NCALD: variants seen among roughly 807,000 people sequenced by gnomAD.
NCALD encodes neurocalcin delta.
NCALD carries 10 observed loss-of-function variants against 18.6 expected under a neutral mutation model. The observed-to-expected ratio is 0.54, with a 90% confidence interval of 0.33 to 0.91. The LOEUF (loss-of-function observed/expected upper bound fraction) is 0.91. Among genes scored for constraint, NCALD ranks in the 40% least tolerant of loss-of-function variants. The probability of loss-of-function intolerance (pLI) is 0.03; values close to 1 mark genes in which losing one functional copy is unlikely to be tolerated. For synonymous variants in NCALD, 88 were observed against 87.4 expected (o/e 1.01, Z -0.04); for missense variants, 184 against 247.6 (o/e 0.74, Z 1.72).
At chr8:101,911,586 G>T (rs1291839778) in intron 3 of NCALD, among the ~76,000 whole-genome samples, 1 of 152,076 alleles carries the variant, frequency 6.6e-6, no homozygotes, top group African/African-American at 2.4e-5. Flanking sequence ...TCGAACTCCT[G>T]ACCACAAGTG....
At chr8:101,862,272 TATGTA>T (rs1421654939) in intron 4 of NCALD, among the ~76,000 whole-genome samples, 1 of 152,142 alleles carries the variant, frequency 6.6e-6, no homozygotes, top group African/African-American at 2.4e-5. Context: ...ACACAGTTCC[TATGTA>T]AAGTAAATCT....
At chr8:101,956,088 A>G (rs993639) in intron 2 of NCALD, among the ~76,000 whole-genome samples, 96,460 of 151,986 alleles carry the variant, frequency 0.63, 31,945 homozygotes, top group African/African-American at 0.84. Context: ...TATTCTTGAC[A>G]TTTTTCTATA....
chr8:101,824,057 A>G (rs772450405), intron 4 of NCALD, among the ~76,000 whole-genome samples: 1 of 152,228 alleles, frequency 6.6e-6, no homozygotes, highest in Non-Finnish European at 1.5e-5. Context: ...TGAAACTTCT[A>G]TATCCAGTCA....
At chr8:101,990,778 C>A (rs1472879676) in intron 2 of NCALD, among the ~76,000 whole-genome samples, 1 of 152,130 alleles carries the variant, frequency 6.6e-6, no homozygotes, top group East Asian at 1.9e-4. Context: ...TAAAAATGGA[C>A]TAATACAACC....
At chr8:101,890,565 G>C (rs1255811849) in intron 3 of NCALD, among the ~76,000 whole-genome samples, 3 of 152,144 alleles carry the variant, frequency 2.0e-5, no homozygotes, top group African/African-American at 7.2e-5. Flanking sequence ...ACTTATAAAA[G>C]GGCTCCAGGT....
chr8:101,692,467 G>A, intron 3 of NCALD: 1 of 985,436 alleles, frequency 1.0e-6, no homozygotes, highest in Non-Finnish European at 1.2e-6. Context: ...GCCTGCTATA[G>A]CCTAGGCCTG....
intron 2 of NCALD, among the ~76,000 whole-genome samples, chr8:101,696,562 T>C (rs1363077656): frequency 6.6e-6 from 1 of 152,298 alleles, no homozygotes; most frequent in East Asian, 1.9e-4. Context: ...GGGCGTTCAG[T>C]ACACAATGTG....
At position 101,688,533 on chromosome 8, in the gene NCALD, AAACAC is replaced by A; in HGVS notation, c.*771_*775del. On this transcript the variant is annotated 3_prime_UTR_variant, in exon 4 of 4. Transcript: ENST00000220931. ...ACATGCATTTCATTTAAACAAGGCA[AAACAC>A]TTAATTTGGTCTGCATTACCCAATA... The A allele has an allele frequency of 2.7e-6, 1 of 373,512 alleles. No individual in the cohort carries two copies. Among genetic ancestry groups the A allele is most frequent in the East Asian group, 7.3e-5 (1 of 13,784 alleles). 23.1% of individuals were successfully genotyped at this position (373,512 alleles called of 1,614,324 possible). A position where few individuals can be genotyped will look rare whatever the true frequency, so the allele number is the denominator to read the frequency against.
chr8:101,709,641 A>G (rs904363548), intron 2 of NCALD, among the ~76,000 whole-genome samples: 2 of 152,188 alleles, frequency 1.3e-5, no homozygotes, highest in African/African-American at 2.4e-5. Flanking sequence ...GCCAGAACAC[A>G]TCTAAGCATT....
chr8:101,772,348 C>T (rs1238142372), intron 1 of NCALD, among the ~76,000 whole-genome samples: 3 of 152,120 alleles, frequency 2.0e-5, no homozygotes, highest in South Asian at 2.1e-4. Context: ...TGGGAAATGC[C>T]GACAGGCCCA....
chr8:101,803,974 G>A (rs1372954592), intron 4 of NCALD, among the ~76,000 whole-genome samples: 2 of 152,054 alleles, frequency 1.3e-5, no homozygotes, highest in African/African-American at 4.8e-5. Flanking sequence ...AACCGATGTG[G>A]TAAACTTCAC....
chr8:101,815,920 A>T (rs1039173508), intron 4 of NCALD, among the ~76,000 whole-genome samples: 2 of 152,178 alleles, frequency 1.3e-5, no homozygotes, highest in African/African-American at 4.8e-5. Context: ...TAAGTGGATA[A>T]ACTGTGGTAC....
intron 1 of NCALD, among the ~76,000 whole-genome samples, chr8:102,078,971 G>A (rs1169903343): frequency 6.6e-6 from 1 of 152,206 alleles, no homozygotes; most frequent in South Asian, 2.1e-4. Flanking sequence ...TCTACAGGCA[G>A]TCAGTGGTGA....
intron 1 of NCALD, among the ~76,000 whole-genome samples, chr8:101,725,841 ATAAG>A (rs1222732074): frequency 1.3e-5 from 2 of 152,208 alleles, no homozygotes; most frequent in Non-Finnish European, 2.9e-5. Flanking sequence ...AATACATAAA[ATAAG>A]TAAGTGAAAT....
chr8:102,015,453 CT>C (rs1822051197), intron 2 of NCALD, among the ~76,000 whole-genome samples: 1 of 151,998 alleles, frequency 6.6e-6, no homozygotes, highest in Admixed American at 6.5e-5. Flanking sequence ...GTTTTATTGC[CT>C]TCTTTTGATT....
At chr8:101,996,232 C>T (rs1174375838) in intron 2 of NCALD, among the ~76,000 whole-genome samples, 1 of 152,228 alleles carries the variant, frequency 6.6e-6, no homozygotes, top group East Asian at 1.9e-4. Context: ...TTAGGAGCCA[C>T]ATCTAACAGC....
At chr8:101,840,218 G>A (rs1814587044) in intron 4 of NCALD, among the ~76,000 whole-genome samples, 1 of 152,094 alleles carries the variant, frequency 6.6e-6, no homozygotes, top group African/African-American at 2.4e-5. Context: ...AAAGATGATG[G>A]TTCTTACTTC....
chr8:101,849,915 A>T (rs1815023279), intron 4 of NCALD, among the ~76,000 whole-genome samples: 1 of 152,232 alleles, frequency 6.6e-6, no homozygotes, highest in Non-Finnish European at 1.5e-5. Context: ...AGCCATTCAC[A>T]GAATTCAGGA....
intron 2 of NCALD, among the ~76,000 whole-genome samples, chr8:101,973,422 T>G (rs1038749133): frequency 6.6e-6 from 1 of 152,214 alleles, no homozygotes; most frequent in African/African-American, 2.4e-5. Context: ...GGGGTTTGAA[T>G]GAAATAGACT....
Sources: allele counts gnomAD v4.1 joint callset (sites outside exome capture counted in the v4.1 genomes callset), GRCh38; gene constraint gnomAD v4.1.1; transcripts MANE v1.5; gene names NCBI Gene and HGNC (gene_info 2026-07-23, HGNC 2026-07-21).